The following TMCC1 variants were observed in gnomAD, a reference collection of about 807,000 sequenced individuals.
TMCC1 encodes the protein transmembrane and coiled-coil domains protein 1.
Under a neutral mutation model 52.4 loss-of-function variants are expected in TMCC1, and 15 were observed. That is an observed-to-expected ratio of 0.29 (90% confidence interval 0.19 to 0.44). The LOEUF (loss-of-function observed/expected upper bound fraction) is 0.44. TMCC1 is among the 20% of genes least tolerant of loss of function. The pLI is 1.00. For synonymous variants in TMCC1, 279 were observed against 301.9 expected (o/e 0.92, Z 0.79); for missense variants, 503 against 806.0 (o/e 0.62, Z 4.55).
At chr3:129,888,159 T>C (rs1247270491) in intron 1 of TMCC1, among the ~76,000 whole-genome samples, 1 of 152,208 alleles carries the variant, frequency 6.6e-6, no homozygotes, top group Non-Finnish European at 1.5e-5. Flanking sequence ...AATAATTAAT[T>C]CTGGCAGATG....
intron 4 of TMCC1, among the ~76,000 whole-genome samples, chr3:129,694,349 A>G (rs2047241064): frequency 1.3e-5 from 2 of 152,270 alleles, no homozygotes; most frequent in African/African-American, 4.8e-5. Context: ...ATGACTAACT[A>G]GCACTGTGGC....
intron 4 of TMCC1, among the ~76,000 whole-genome samples, chr3:129,718,197 C>A (rs1049518498): frequency 6.6e-6 from 1 of 152,128 alleles, no homozygotes; most frequent in Non-Finnish European, 1.5e-5. Flanking sequence ...AAAATTTATA[C>A]AAACACTTAC....
Position 129,783,907 on chromosome 3 carries a change from G to A in TMCC1, c.576+43896C>T, listed in dbSNP as rs559082704. Among the ~76,000 whole-genome samples, 19 of 152,312 alleles carry A rather than the reference G, an allele frequency of 1.2e-4. No individual in the cohort carries two copies. In the South Asian group the frequency reaches 3.7e-3, roughly 30 times the overall value. On this transcript the variant is annotated intron_variant, in intron 4 of 6. Transcript: ENST00000393238. Reference sequence around the variant, plus strand: ...AATTTATTGCCATTTCTGATATTCAGACTTGTCTGATAGCTCGGAAAGAAT... The same window carrying A: ...AATTTATTGCCATTTCTGATATTCAAACTTGTCTGATAGCTCGGAAAGAAT...
chr3:129,859,780 A>G (rs2060304461), intron 2 of TMCC1, among the ~76,000 whole-genome samples: 1 of 152,154 alleles, frequency 6.6e-6, no homozygotes, highest in African/African-American at 2.4e-5. Context: ...TTCTCTGCCT[A>G]AAAAATAAAC....
intron 2 of TMCC1, among the ~76,000 whole-genome samples, chr3:129,870,170 A>G (rs1378071307): frequency 6.6e-6 from 1 of 152,160 alleles, no homozygotes; most frequent in Non-Finnish European, 1.5e-5. Context: ...CCTATCTAGT[A>G]TTCTACTTGT....
At chr3:129,719,360 C>T (rs372843199) in intron 4 of TMCC1, among the ~76,000 whole-genome samples, 13 of 152,306 alleles carry the variant, frequency 8.5e-5, no homozygotes, top group African/African-American at 2.9e-4. Context: ...TCCCATATGC[C>T]TTGCCTATGC....
chr3:129,735,919 G>C (rs2050922345), intron 4 of TMCC1, among the ~76,000 whole-genome samples: 1 of 152,164 alleles, frequency 6.6e-6, no homozygotes, highest in Admixed American at 6.5e-5. Context: ...GTAGAAGCCT[G>C]CTGACCTTCT....
intron 4 of TMCC1, among the ~76,000 whole-genome samples, chr3:129,763,197 C>CAAAAAAAAAAA (rs1553860522): frequency 8.2e-6 from 1 of 122,598 alleles, no homozygotes; most frequent in African/African-American, 3.5e-5. Context: ...GACTCTGTCT[C>CAAAAAAAAAAA]AAAAAATAAA....
intron 4 of TMCC1, among the ~76,000 whole-genome samples, chr3:129,684,413 G>A (rs1309908004): frequency 6.6e-6 from 1 of 152,218 alleles, no homozygotes; most frequent in Non-Finnish European, 1.5e-5. Context: ...GAGTCGGGGA[G>A]AGTGGGAGAG....
chr3:129,682,979 G>A (rs1385257232), intron 4 of TMCC1, among the ~76,000 whole-genome samples: 5 of 152,216 alleles, frequency 3.3e-5, no homozygotes, highest in African/African-American at 9.7e-5. Flanking sequence ...GGGATTACAG[G>A]CATGCGCCAC....
chr3:129,830,856 T>TA (rs1158120322), intron 3 of TMCC1, among the ~76,000 whole-genome samples: 1 of 152,220 alleles, frequency 6.6e-6, no homozygotes, highest in Non-Finnish European at 1.5e-5. Context: ...GCTGCCTATT[T>TA]AAAAAATAGA....
At chr3:129,682,455 TCTC>T (rs1371924563) in intron 4 of TMCC1, among the ~76,000 whole-genome samples, 10 of 152,264 alleles carry the variant, frequency 6.6e-5, no homozygotes, top group African/African-American at 2.2e-4. Flanking sequence ...ATTTAAAACT[TCTC>T]CTGTTTATAT....
At chr3:129,873,438 T>C (rs994388044) in intron 2 of TMCC1, among the ~76,000 whole-genome samples, 6 of 150,376 alleles carry the variant, frequency 4.0e-5, no homozygotes, top group African/African-American at 1.5e-4. Flanking sequence ...TCCCAGCACT[T>C]TGGGAGGTGG....
intron 2 of TMCC1, among the ~76,000 whole-genome samples, chr3:129,838,117 ACT>A (rs1289796174): frequency 6.6e-6 from 1 of 152,116 alleles, no homozygotes; most frequent in African/African-American, 2.4e-5. Context: ...ACAATAAGAA[ACT>A]CTGAAAACAG....
intron 4 of TMCC1, among the ~76,000 whole-genome samples, chr3:129,697,071 C>A (rs1232934203): frequency 6.6e-6 from 1 of 152,226 alleles, no homozygotes; most frequent in Non-Finnish European, 1.5e-5. Flanking sequence ...AGCAGCTCCA[C>A]TATGCAGTGC....
intron 4 of TMCC1, among the ~76,000 whole-genome samples, chr3:129,748,405 A>G (rs2052182222): frequency 6.6e-6 from 1 of 152,158 alleles, no homozygotes; most frequent in Non-Finnish European, 1.5e-5. Context: ...CTCCTGGCTC[A>G]GCCTCCCAAG....
intron 4 of TMCC1, among the ~76,000 whole-genome samples, chr3:129,706,616 C>T (rs1229498940): frequency 2.0e-5 from 3 of 152,122 alleles, no homozygotes; most frequent in Non-Finnish European, 2.9e-5. Flanking sequence ...GTACAGACTT[C>T]CTACTAGCAT....
At chr3:129,653,561 A>G (rs532140698) in intron 6 of TMCC1, among the ~76,000 whole-genome samples, 70 of 152,326 alleles carry the variant, frequency 4.6e-4, no homozygotes, top group African/African-American at 1.5e-3. Flanking sequence ...CTTCTGCCTC[A>G]GCCTCCTGAG....
At chr3:129,829,912 T>C (rs1003767192) in intron 3 of TMCC1, among the ~76,000 whole-genome samples, 5 of 152,236 alleles carry the variant, frequency 3.3e-5, no homozygotes, top group African/African-American at 9.6e-5. Context: ...GGCACTGTCA[T>C]TGTGGCTCCA....
Sources: gnomAD v4.1 joint callset for allele counts (sites outside exome capture counted in the v4.1 genomes callset) on GRCh38, gnomAD v4.1.1 for gene constraint, MANE v1.5 for transcripts, NCBI Gene and HGNC (gene_info 2026-07-23, HGNC 2026-07-21) for gene names.